The following CNNM4 variants were observed in gnomAD, a reference collection of about 807,000 sequenced individuals.
CNNM4 encodes the protein cyclin and CBS domain divalent metal cation transport mediator 4.
A neutral mutation model predicts 53.7 loss-of-function variants in CNNM4; 32 were observed. That is an observed-to-expected ratio of 0.60 (90% CI 0.45 to 0.80). The LOEUF (loss-of-function observed/expected upper bound fraction) is 0.80, where lower values mean the gene tolerates loss of function less well. Ranked by LOEUF, CNNM4 falls within the 30% of genes least tolerant of loss-of-function variation. The pLI, the probability that CNNM4 is intolerant of heterozygous loss-of-function variation, is 0.00. For missense variants in CNNM4, 784 were observed against 1,022.0 expected (o/e 0.77, Z 3.17); for synonymous variants, 410 against 440.0 (o/e 0.93, Z 0.85).
chr2:96,800,454 A>G lies in CNNM4; in HGVS notation c.1948+806A>G, dbSNP rs2079148860. 1.3e-5 allele frequency among the ~76,000 whole-genome samples: 2 copies of G among 152,188 alleles called. No individual in the cohort carries two copies. The highest frequency in any genetic ancestry group is 2.4e-5 in the African/African-American group (1 of 41,454). On this transcript the variant is annotated intron_variant, in intron 5 of 6. Coordinates refer to ENST00000377075, the MANE Select transcript of CNNM4 (RefSeq NM_020184.4). The surrounding 1 kb of genome is among the most constrained non-coding windows in gnomAD (Gnocchi z 4.6). ...AGAGAACCTCTGTGCTGTGCCTCTC[A>G]CTGTCCTTTGACAAAAAGGACCCCG...
chr2:96,793,008 T>C (rs1247765404), intron 1 of CNNM4, among the ~76,000 whole-genome samples: 6 of 152,068 alleles, frequency 3.9e-5, no homozygotes, highest in Admixed American at 6.5e-5. Flanking sequence ...AGAGATTTAT[T>C]TGGGACACTT....
At chr2:96,806,054 G>A (rs1449216808) in intron 5 of CNNM4, among the ~76,000 whole-genome samples, 5 of 145,984 alleles carry the variant, frequency 3.4e-5, no homozygotes, top group East Asian at 2.0e-4. Flanking sequence ...CCTCCCGGAC[G>A]GGGCGGCTGG....
Position 96,762,178 on chromosome 2 carries a change from C to T in CNNM4, c.1179C>T (p.Asp393=). 1 of 1,614,218 alleles carries T rather than the reference C, an allele frequency of 6.2e-7. No individual in the cohort carries two copies. Among genetic ancestry groups the T allele is most frequent in the Non-Finnish European group, 8.5e-7 (1 of 1,180,038 alleles). Residue 393 remains aspartate (D), a synonymous_variant, in exon 1 of 7, where the codon GAC becomes GAT. Transcript: ENST00000377075. ...TGATCCGCAGCGATGCCATCCTGGA[C>T]TTCAACACCATGTCGGAGATAATGG... is the stretch of plus-strand genomic sequence containing the variant. ...CFMIRSDAIL[D]FNTMSEIMES... is the part of the protein sequence containing the mutation.
chr2:96,781,099 C>A (rs561918778), intron 1 of CNNM4, among the ~76,000 whole-genome samples: 1 of 150,354 alleles, frequency 6.7e-6, no homozygotes, highest in Non-Finnish European at 1.5e-5. Flanking sequence ...CTGCCTCAGC[C>A]TCCCGAGTAG....
chr2:96,804,462 C>T (rs192101437), intron 5 of CNNM4, among the ~76,000 whole-genome samples: 47 of 149,444 alleles, frequency 3.1e-4, no homozygotes, highest in African/African-American at 9.6e-4. Flanking sequence ...AGTGCAATGG[C>T]GCGATTTCAG....
At chr2:96,787,905 A>T (rs1278816916) in intron 1 of CNNM4, among the ~76,000 whole-genome samples, 1 of 152,194 alleles carries the variant, frequency 6.6e-6, no homozygotes, top group East Asian at 1.9e-4. Context: ...TGTTCTCTCC[A>T]GTACCGCACT....
chr2:96,769,340 A>G (rs2078847714), intron 1 of CNNM4, among the ~76,000 whole-genome samples: 2 of 151,956 alleles, frequency 1.3e-5, no homozygotes, highest in Non-Finnish European at 2.9e-5. Flanking sequence ...AGGCTGAGGC[A>G]GGTGGATCAC....
chr2:96,774,572 C>G (rs2078907449), intron 1 of CNNM4, among the ~76,000 whole-genome samples: 1 of 152,196 alleles, frequency 6.6e-6, no homozygotes. Flanking sequence ...CTTTCCCAGT[C>G]ACATGACAGC....
intron 5 of CNNM4, among the ~76,000 whole-genome samples, chr2:96,806,790 A>G (rs1254469958): frequency 6.6e-6 from 1 of 152,198 alleles, no homozygotes; most frequent in African/African-American, 2.4e-5. Context: ...AGTAACGTAT[A>G]TCATTTGAAA....
rs989858311 is a variant in CNNM4 at position 96,810,723 on chromosome 2, T to C, written c.*1206T>C. 8 of 152,380 alleles carry C rather than the reference T, an allele frequency of 5.3e-5. No individual in the cohort carries two copies. The East Asian group carries it at 1.2e-3, about 22-fold the overall frequency. The allele number at this position is 152,380 out of a possible 1,614,324, so 9.4% of individuals were successfully genotyped here. ...TCACCTGGCCTTATCCACCCACTTA[T>C]GGAACCTCAGGAGAGGAGGGCTCCT... On this transcript the variant is annotated 3_prime_UTR_variant, in exon 7 of 7. Coordinates refer to ENST00000377075, the MANE Select transcript of CNNM4 (RefSeq NM_020184.4). The surrounding 1 kb of genome is among the most constrained non-coding windows in gnomAD (Gnocchi z 4.1).
rs796691219 is a variant in CNNM4, at chr2:96,797,953, C to T, written c.1681+306C>T. Among the ~76,000 whole-genome samples the T allele has an allele frequency of 6.6e-6, 1 of 152,276 alleles. No individual in the cohort carries two copies. Among genetic ancestry groups the T allele is most frequent in the African/African-American group, 2.4e-5 (1 of 41,556 alleles). ...CCTGTAATCCCAGCACTTTGGGAGG[C>T]CGAGGCAGGAGGATTGCATGAGCCC... On this transcript the variant is annotated intron_variant, in intron 3 of 6. Transcript: ENST00000377075. This position sits in a 1 kb window ranked among gnomAD's most constrained non-coding sequence, Gnocchi z 6.0.
At chr2:96,799,279 A>AC (rs1403171508) in intron 4 of CNNM4, 53 bp downstream of exon 4, 1 of 1,603,170 alleles carries the variant, frequency 6.2e-7, no homozygotes, top group Admixed American at 1.7e-5. Context: ...CACTGCAGCA[A>AC]CCCCCAGGCC....
At chr2:96,805,427 T>TTTG (rs2079193777) in intron 5 of CNNM4, among the ~76,000 whole-genome samples, 1 of 140,076 alleles carries the variant, frequency 7.1e-6, no homozygotes, top group South Asian at 2.1e-4. Flanking sequence ...AGTTTTTTTT[T>TTTG]TTTTTTTTTT....
intron 1 of CNNM4, among the ~76,000 whole-genome samples, chr2:96,776,456 T>C (rs1301050311): frequency 6.6e-6 from 1 of 152,244 alleles, no homozygotes; most frequent in East Asian, 1.9e-4. Context: ...TGAATAGTTA[T>C]GTGTTCTTTA....
At position 96,808,666 on chromosome 2, in the gene CNNM4, A is replaced by C; in HGVS notation, c.2054A>C (p.Gln685Pro). Reference sequence around the variant, plus strand: ...GCAACCTTGGCAGGCAGCAGCAACCAGTTTGGCAGCTCTGTCCTGGGCCAG... The same window carrying C: ...GCAACCTTGGCAGGCAGCAGCAACCCGTTTGGCAGCTCTGTCCTGGGCCAG... ...TAATLAGSSN[Q>P]FGSSVLGQYI... Residue 685 changes from glutamine to proline, a missense_variant, in exon 6 of 7, where the codon CAG (glutamine) becomes CCG (proline). Around this residue, in one of 3 missense-constraint regions of CNNM4, gnomAD observed 307 missense variants for 376.3 expected, o/e 0.82. Transcript: ENST00000377075. This position sits in a 1 kb window ranked among gnomAD's most constrained non-coding sequence, Gnocchi z 4.9. 1 of 1,614,144 alleles carries C rather than the reference A, an allele frequency of 6.2e-7. No individual in the cohort carries two copies. Among genetic ancestry groups the C allele is most frequent in the Non-Finnish European group, 8.5e-7 (1 of 1,180,024 alleles).
chr2:96,799,328 C>G, intron 4 of CNNM4, 102 bp downstream of exon 4: 11 of 1,457,556 alleles, frequency 7.5e-6, no homozygotes, highest in Non-Finnish European at 1.1e-5. Context: ...GGCTTCCCTG[C>G]CTGGGGAGCC....
In CNNM4 at chr2:96,799,575, G is replaced by T. The variant is rs991618245; in HGVS notation, c.1875G>T (p.Gly625=). 9 of 1,555,612 alleles carry T rather than the reference G, an allele frequency of 5.8e-6. No individual in the cohort carries two copies. The highest frequency in any genetic ancestry group is 4.8e-5 in the East Asian group (2 of 41,280). Residue 625 remains glycine (G), a synonymous_variant, in exon 5 of 7, where the codon GGG becomes GGT. Coordinates refer to ENST00000377075, the MANE Select transcript of CNNM4 (RefSeq NM_020184.4). ...AGGGGAAGGTGGAGGTGGAGGCAGG[G>T]AAGGAGAACATGAAGTTTGAGACGG... ...ILQGKVEVEA[G]KENMKFETGA...
intron 1 of CNNM4, among the ~76,000 whole-genome samples, chr2:96,793,378 GTGAC>G (rs1442056083): frequency 1.3e-5 from 2 of 152,238 alleles, no homozygotes; most frequent in African/African-American, 2.4e-5. Flanking sequence ...CCTGCAGAGG[GTGAC>G]TGACTGGCCC....
At chr2:96,795,528 A>G (rs1013815249) in intron 1 of CNNM4, among the ~76,000 whole-genome samples, 4 of 151,778 alleles carry the variant, frequency 2.6e-5, no homozygotes, top group African/African-American at 9.7e-5. Flanking sequence ...GAGAATTTTT[A>G]CTTTAGTCAT....
Sources: gnomAD v4.1 joint callset for allele counts (sites outside exome capture counted in the v4.1 genomes callset) on GRCh38, gnomAD v4.1.1 for gene constraint, gnomAD v4.1.1 regional missense constraint, Gnocchi (gnomAD v3.1) non-coding constraint, MANE v1.5 for transcripts, NCBI Gene and HGNC (gene_info 2026-07-23, HGNC 2026-07-21) for gene names.